Variants in DIP2B observed in about 807,000 individuals in gnomAD.
The protein encoded by DIP2B is DIP2 acetate--CoA ligase B (putative).
DIP2B carries 76 observed loss-of-function variants against 198.0 expected under a neutral mutation model. That is an observed-to-expected ratio of 0.38 (90% CI 0.32 to 0.46). The LOEUF (loss-of-function observed/expected upper bound fraction) is 0.46, where lower values mean the gene tolerates loss of function less well. Ranked by LOEUF, DIP2B falls within the 20% of genes least tolerant of loss-of-function variation. The pLI, the probability that DIP2B is intolerant of heterozygous loss-of-function variation, is 0.99. For synonymous variants in DIP2B, 701 were observed against 739.1 expected (o/e 0.95, Z 0.84); for missense variants, 1,559 against 1,978.4 (o/e 0.79, Z 4.02).
intron 22 of DIP2B, among the ~76,000 whole-genome samples, chr12:50,708,891 C>T (rs908309165): frequency 6.6e-6 from 1 of 152,214 alleles, no homozygotes. Flanking sequence ...AACAGTCAGT[C>T]ACAGTTTTAC....
intron 20 of DIP2B, among the ~76,000 whole-genome samples, chr12:50,706,139 TCTC>T (rs1034630585): frequency 1.7e-4 from 26 of 152,190 alleles, no homozygotes; most frequent in African/African-American, 6.3e-4. Context: ...ACTGTTTTAA[TCTC>T]CTCCTAATTC....
chr12:50,614,784 C>T (rs1937663746), intron 1 of DIP2B, among the ~76,000 whole-genome samples: 2 of 152,208 alleles, frequency 1.3e-5, no homozygotes, highest in Non-Finnish European at 2.9e-5. Flanking sequence ...TTTACTGCCT[C>T]ATTGGAAAAA....
chr12:50,720,463 C>T (rs1033956269), intron 25 of DIP2B, among the ~76,000 whole-genome samples: 1 of 150,130 alleles, frequency 6.7e-6, no homozygotes, highest in Non-Finnish European at 1.5e-5. Context: ...AATAATAGAA[C>T]TTAATGAGAG....
intron 19 of DIP2B, among the ~76,000 whole-genome samples, chr12:50,700,865 C>G (rs1212853444): frequency 1.3e-5 from 2 of 152,268 alleles, no homozygotes; most frequent in East Asian, 1.9e-4. Context: ...TAATTTAAAT[C>G]TCACCCTATT....
At chr12:50,574,519 C>T (rs1958641378) in intron 1 of DIP2B, among the ~76,000 whole-genome samples, 2 of 152,214 alleles carry the variant, frequency 1.3e-5, no homozygotes, top group Non-Finnish European at 2.9e-5. Context: ...CTCCACTCAA[C>T]GCAGCTTCAG....
rs1345638877 is a variant in DIP2B at position 50,747,077 on chromosome 12, T to A, written c.*2238T>A. ...CCCAATAGCTCAAAAACACTATCAT[T>A]TCAACATAGGATCAATATAAAAATT... On this transcript the variant is annotated 3_prime_UTR_variant, in exon 38 of 38. Coordinates refer to ENST00000301180, the MANE Select transcript of DIP2B (RefSeq NM_173602.3). 6.6e-6 allele frequency: 1 copy of A among 152,226 alleles called. No homozygotes were observed. The highest frequency in any genetic ancestry group is 1.5e-5 in the Non-Finnish European group (1 of 68,040). 9.4% of individuals were successfully genotyped at this position (152,226 alleles called of 1,614,324 possible). A position where few individuals can be genotyped will look rare whatever the true frequency, so the allele number is the denominator to read the frequency against.
intron 21 of DIP2B, among the ~76,000 whole-genome samples, chr12:50,706,906 T>C (rs184748053): frequency 1.8e-4 from 28 of 152,308 alleles, no homozygotes; most frequent in Admixed American, 1.8e-3. Flanking sequence ...AACTATATCC[T>C]TTACTTCAGA....
intron 1 of DIP2B, among the ~76,000 whole-genome samples, chr12:50,553,954 T>C (rs893402818): frequency 3.3e-5 from 5 of 152,176 alleles, no homozygotes; most frequent in Non-Finnish European, 7.3e-5. Context: ...GCGCTTGGGC[T>C]GTTTTCCTTT....
intron 10 of DIP2B, 22 bp downstream of exon 10, chr12:50,683,270 G>A (rs1361450146): frequency 6.3e-7 from 1 of 1,589,564 alleles, no homozygotes; most frequent in African/African-American, 1.3e-5. Context: ...AAATTTAAGA[G>A]GAATGTAGCC....
intron 1 of DIP2B, among the ~76,000 whole-genome samples, chr12:50,595,410 G>A (rs1330021679): frequency 3.9e-5 from 6 of 152,114 alleles, no homozygotes; most frequent in Non-Finnish European, 5.9e-5. Context: ...GCCTCAACTT[G>A]CCTCCCACTT....
At chr12:50,662,486 C>A (rs1938669074) in intron 4 of DIP2B, among the ~76,000 whole-genome samples, 1 of 152,220 alleles carries the variant, frequency 6.6e-6, no homozygotes, top group Non-Finnish European at 1.5e-5. Flanking sequence ...CATAAGGCTT[C>A]CATTAGCCCC....
intron 1 of DIP2B, among the ~76,000 whole-genome samples, chr12:50,540,620 C>T (rs1433473247): frequency 6.7e-6 from 1 of 148,992 alleles, no homozygotes; most frequent in African/African-American, 2.5e-5. Flanking sequence ...GCGATCTCGG[C>T]TCACTGCAAG....
At chr12:50,695,140 G>C (rs1939288333) in intron 14 of DIP2B, 127 bp from the exon 15 acceptor site, 1 of 666,418 alleles carries the variant, frequency 1.5e-6, no homozygotes, top group Non-Finnish European at 2.4e-6. Context: ...ATTTAAGATT[G>C]TTTTCAAAGA....
At chr12:50,690,361 C>T (rs955514204) in intron 12 of DIP2B, among the ~76,000 whole-genome samples, 5 of 152,190 alleles carry the variant, frequency 3.3e-5, no homozygotes, top group African/African-American at 1.2e-4. Flanking sequence ...TCTGGGATTA[C>T]AGGCGTGAGC....
At chr12:50,636,477 A>G (rs1208837535) in intron 2 of DIP2B, among the ~76,000 whole-genome samples, 2 of 152,234 alleles carry the variant, frequency 1.3e-5, no homozygotes, top group African/African-American at 4.8e-5. Context: ...AAGGAAGTCC[A>G]GTATTTTCCT....
chr12:50,710,449 G>A (rs188041981), intron 22 of DIP2B, among the ~76,000 whole-genome samples: 2 of 151,612 alleles, frequency 1.3e-5, no homozygotes, highest in East Asian at 3.9e-4. Flanking sequence ...TTGAGATGGA[G>A]TTTCTCTCCT....
In DIP2B at chr12:50,593,707, CCTCCTCTCCT is replaced by C. The variant is rs1565836987; in HGVS notation, c.101-32239_101-32230del. ...TACACTCTTTTCTCCTCTCCTCTCC[CCTCCTCTCCT>C]CTCCTCTCCTCTCCTCTCCTCTCCT... On this transcript the variant is annotated intron_variant, in intron 1 of 37. Transcript: ENST00000301180. Among the ~76,000 whole-genome samples the C allele has an allele frequency of 3.3e-4, 9 of 27,400 alleles. 2 individuals carry two copies. The highest frequency in any genetic ancestry group is 4.7e-4 in the Admixed American group (1 of 2,136). The allele number at this position is 27,400 out of a possible 152,430, so 18.0% of individuals were successfully genotyped here. A position where few individuals can be genotyped will look rare whatever the true frequency, so the allele number is the denominator to read the frequency against.
At chr12:50,586,352 G>A (rs1958770567) in intron 1 of DIP2B, among the ~76,000 whole-genome samples, 1 of 152,196 alleles carries the variant, frequency 6.6e-6, no homozygotes, top group African/African-American at 2.4e-5. Context: ...CCAGGCAGAT[G>A]ACATGGGGCC....
chr12:50,636,542 G>A (rs1425578295), intron 2 of DIP2B, among the ~76,000 whole-genome samples: 1 of 152,162 alleles, frequency 6.6e-6, no homozygotes, highest in Non-Finnish European at 1.5e-5. Context: ...GATTATATAG[G>A]CAGTGCAAAA....
Sources: allele counts gnomAD v4.1 joint callset (sites outside exome capture counted in the v4.1 genomes callset), GRCh38; gene constraint gnomAD v4.1.1; transcripts MANE v1.5; gene names NCBI Gene and HGNC (gene_info 2026-07-23, HGNC 2026-07-21).